Variants in OXR1 observed in about 807,000 individuals in gnomAD.
OXR1 encodes oxidation resistance 1, also known as oxidation resistance protein 1.
Under a neutral mutation model 104.6 loss-of-function variants are expected in OXR1, and 41 were observed. The ratio of observed to expected loss-of-function variants is 0.39; its 90% CI spans 0.31 to 0.51. The LOEUF (loss-of-function observed/expected upper bound fraction) is 0.51, where lower values mean the gene tolerates loss of function less well. Ranked by LOEUF, OXR1 falls within the 20% of genes least tolerant of loss-of-function variation. The pLI is 0.77. For missense variants in OXR1, 955 were observed against 1,031.9 expected (o/e 0.93, Z 1.02); for synonymous variants, 348 against 348.4 (o/e 1.00, Z 0.01).
intron 3 of OXR1, among the ~76,000 whole-genome samples, chr8:106,614,225 G>A (rs187032511): frequency 3.4e-4 from 52 of 152,026 alleles, no homozygotes; most frequent in African/African-American, 9.4e-4. Context: ...TATTTTCACC[G>A]TCTTAAAAAA....
chr8:106,657,837 G>GC, intron 3 of OXR1: 3 of 1,236,508 alleles, frequency 2.4e-6, no homozygotes, highest in Middle Eastern at 2.9e-4. Flanking sequence ...AGAGAGGGAC[G>GC]CCCCCTCCTC....
intron 2 of OXR1, among the ~76,000 whole-genome samples, chr8:106,396,313 C>G (rs1817780391): frequency 6.6e-6 from 1 of 151,948 alleles, no homozygotes; most frequent in Non-Finnish European, 1.5e-5. Flanking sequence ...CACACACCGC[C>G]TGAGCCAAGT....
chr8:106,544,665 G>A (rs534264543), intron 3 of OXR1, among the ~76,000 whole-genome samples: 9 of 152,128 alleles, frequency 5.9e-5, no homozygotes, highest in South Asian at 2.1e-4. Context: ...GCTGAATCTC[G>A]TCATCACAAG....
intron 1 of OXR1, among the ~76,000 whole-genome samples, chr8:106,287,121 G>A (rs1044476412): frequency 2.7e-4 from 41 of 152,210 alleles, no homozygotes; most frequent in Admixed American, 2.7e-3. Context: ...CAAATGTCCT[G>A]TAGACCTAAA....
At position 106,471,297 on chromosome 8, in the gene OXR1, A is replaced by T. The variant is rs114967732; in HGVS notation, c.24-47646A>T. Among the ~76,000 whole-genome samples the T allele has an allele frequency of 7.1e-3, 1,075 of 151,892 alleles. 14 individuals are homozygous for T. The highest frequency in any genetic ancestry group is 0.025 in the African/African-American group (1,033 of 41,482). On this transcript the variant is annotated intron_variant, in intron 2 of 16. Transcript: ENST00000517566. ...ATTAATAATTTTAATATTAATAATT[A>T]GCAATAATTTATCTGGGAAAGTGTT...
At chr8:106,292,865 G>A (rs528663112) in intron 1 of OXR1, among the ~76,000 whole-genome samples, 1 of 152,344 alleles carries the variant, frequency 6.6e-6, no homozygotes, top group South Asian at 2.1e-4. Context: ...GTTAAGCCCA[G>A]GAGTGACCTA....
intron 7 of OXR1, among the ~76,000 whole-genome samples, chr8:106,697,190 A>G (rs1476012750): frequency 6.6e-6 from 1 of 152,168 alleles, no homozygotes; most frequent in East Asian, 1.9e-4. Context: ...CCCAGGGGAA[A>G]AGAAGAGGCC....
chr8:106,354,966 C>T (rs1815901180), intron 1 of OXR1, among the ~76,000 whole-genome samples: 2 of 151,736 alleles, frequency 1.3e-5, no homozygotes, highest in Non-Finnish European at 2.9e-5. Flanking sequence ...AGTATCATCC[C>T]AATAATCCAT....
At chr8:106,614,092 C>G (rs1029287341) in intron 3 of OXR1, among the ~76,000 whole-genome samples, 9 of 152,198 alleles carry the variant, frequency 5.9e-5, no homozygotes, top group Non-Finnish European at 1.3e-4. Context: ...AGCAAAAGTG[C>G]TTTTATAATC....
rs557459021 is a variant in OXR1, at chr8:106,412,843, G to A, written c.23+53207G>A. On this transcript the variant is annotated intron_variant, in intron 2 of 16. Transcript: ENST00000517566. ...AAAATTATTTTTCCTTAAAAAAGATGTATATATCATTACAGGGTAATGACG... is the reference window on the plus strand; with the variant it reads ...AAAATTATTTTTCCTTAAAAAAGATATATATATCATTACAGGGTAATGACG... Among the ~76,000 whole-genome samples the A allele has an allele frequency of 3.3e-5, 5 of 152,044 alleles. No homozygotes were observed. The South Asian group carries it at 1.0e-3, about 32-fold the overall frequency.
intron 3 of OXR1, chr8:106,657,664 C>G (rs559110274): frequency 8.9e-6 from 2 of 224,970 alleles, no homozygotes; most frequent in South Asian, 3.5e-4. Context: ...TAAAAGCCAT[C>G]AGTTTTCTGA....
rs146314729 is a variant in OXR1, at chr8:106,292,754, A to T, written c.-139+22387A>T. ...GTAGACCAATATCTAGAGGATAAGA[A>T]GACAGGGAGGCACCAGGAAAGGGAA... is the stretch of plus-strand genomic sequence containing the variant. On this transcript the variant is annotated intron_variant, in intron 1 of 16. Transcript: ENST00000517566. 3.2e-4 allele frequency among the ~76,000 whole-genome samples: 49 copies of T among 152,356 alleles called. 1 individual carries two copies. Among genetic ancestry groups the T allele is most frequent in the African/African-American group, 1.1e-3 (46 of 41,594 alleles).
At chr8:106,434,765 A>G (rs1819504100) in intron 2 of OXR1, among the ~76,000 whole-genome samples, 1 of 152,230 alleles carries the variant, frequency 6.6e-6, no homozygotes, top group South Asian at 2.1e-4. Context: ...TGGATTCAGA[A>G]AATACAATCC....
At chr8:106,638,373 C>G (rs111701914) in intron 3 of OXR1, among the ~76,000 whole-genome samples, 17 of 152,224 alleles carry the variant, frequency 1.1e-4, no homozygotes, top group African/African-American at 3.4e-4. Context: ...TTGATACTTA[C>G]GCATTTTTTA....
chr8:106,734,164 C>T (rs1834169135), intron 11 of OXR1, among the ~76,000 whole-genome samples: 1 of 151,708 alleles, frequency 6.6e-6, no homozygotes, highest in Non-Finnish European at 1.5e-5. Context: ...CTCCATGTTG[C>T]CCCGGCTGTT....
chr8:106,677,093 G>A (rs888048361), intron 3 of OXR1, among the ~76,000 whole-genome samples: 2 of 151,908 alleles, frequency 1.3e-5, no homozygotes, highest in Non-Finnish European at 2.9e-5. Flanking sequence ...ACAAACTAAC[G>A]GTTACTCCTA....
chr8:106,745,248 C>G (rs1459549082), intron 15 of OXR1, among the ~76,000 whole-genome samples: 1 of 152,168 alleles, frequency 6.6e-6, no homozygotes, highest in Non-Finnish European at 1.5e-5. Flanking sequence ...CTAGTTTGCT[C>G]TTGGATTTCT....
chr8:106,591,224 G>A (rs535937516), intron 3 of OXR1, among the ~76,000 whole-genome samples: 81 of 143,434 alleles, frequency 5.6e-4, no homozygotes, highest in African/African-American at 2.0e-3. Context: ...ACTCATAGGT[G>A]GGAATTGAAC....
At chr8:106,426,759 A>G (rs1819137608) in intron 2 of OXR1, among the ~76,000 whole-genome samples, 1 of 152,174 alleles carries the variant, frequency 6.6e-6, no homozygotes, top group Admixed American at 6.5e-5. Context: ...GGATTAAATG[A>G]AAGTGTATGG....
Sources: allele counts gnomAD v4.1 joint callset (sites outside exome capture counted in the v4.1 genomes callset), GRCh38; gene constraint gnomAD v4.1.1; transcripts MANE v1.5; gene names NCBI Gene and HGNC (gene_info 2026-07-23, HGNC 2026-07-21).